Variants in TAFA5 observed in about 807,000 individuals in gnomAD.
TAFA5 encodes the protein TAFA chemokine like family member 5.
Under a neutral mutation model 15.3 loss-of-function variants are expected in TAFA5, and 6 were observed. That is an observed-to-expected ratio of 0.39 (90% CI 0.21 to 0.77). TAFA5 has a LOEUF of 0.77. Among genes scored for constraint, TAFA5 ranks in the 30% least tolerant of loss-of-function variants. TAFA5 has a pLI of 0.41. For missense variants in TAFA5, 161 were observed against 193.1 expected (o/e 0.83, Z 0.98); for synonymous variants, 103 against 80.7 (o/e 1.28, Z -1.48).
chr22:48,509,384 C>T (rs990613002), intron 1 of TAFA5, among the ~76,000 whole-genome samples: 6 of 152,164 alleles, frequency 3.9e-5, no homozygotes, highest in South Asian at 4.1e-4. Context: ...GAGACATCTC[C>T]GTACTGTTGT....
intron 3 of TAFA5, among the ~76,000 whole-genome samples, chr22:48,721,382 T>C (rs1929565643): frequency 6.6e-6 from 1 of 152,176 alleles, no homozygotes. Context: ...GCCTCCGTGC[T>C]GCTGTTTCAA....
At position 48,560,845 on chromosome 22, in the gene TAFA5, G is replaced by A. The variant is rs988284831; in HGVS notation, c.112+71141G>A. On this transcript the variant is annotated intron_variant, in intron 1 of 3. Transcript: ENST00000402357. This position sits in a 1 kb window ranked among gnomAD's most constrained non-coding sequence, Gnocchi z 4.2. ...GACTGGTCTTGAACTCCTGACCTCAGGTGATCCACCCACCTCGGCCTCCCA... is the reference window on the plus strand; with the variant it reads ...GACTGGTCTTGAACTCCTGACCTCAAGTGATCCACCCACCTCGGCCTCCCA... 1.3e-4 allele frequency among the ~76,000 whole-genome samples: 20 copies of A among 151,948 alleles called. No individual in the cohort carries two copies. The highest frequency in any genetic ancestry group is 4.4e-4 in the African/African-American group (18 of 41,370).
At chr22:48,528,330 A>G (rs1921851196) in intron 1 of TAFA5, among the ~76,000 whole-genome samples, 2 of 152,096 alleles carry the variant, frequency 1.3e-5, no homozygotes, top group South Asian at 4.1e-4. Flanking sequence ...ACCTGGGTGC[A>G]TCGTGTCTCC....
At chr22:48,641,773 T>C (rs771791278) in intron 1 of TAFA5, among the ~76,000 whole-genome samples, 9 of 152,234 alleles carry the variant, frequency 5.9e-5, no homozygotes, top group South Asian at 2.1e-4. Context: ...CAAGGTCCCA[T>C]GTCCTCTCAG....
intron 2 of TAFA5, among the ~76,000 whole-genome samples, chr22:48,696,446 G>A (rs1300922428): frequency 6.6e-6 from 1 of 152,036 alleles, no homozygotes; most frequent in Non-Finnish European, 1.5e-5. Flanking sequence ...AACTTTGAGG[G>A]GCCCCTGAGT....
At chr22:48,697,608 G>GTGA (rs58645344) in intron 2 of TAFA5, among the ~76,000 whole-genome samples, 64,632 of 137,230 alleles carry the variant, frequency 0.47, 14,471 homozygotes, top group African/African-American at 0.6. Context: ...GATGGTGGTG[G>GTGA]TGATGATGGT....
chr22:48,646,858 C>T lies in TAFA5; in HGVS notation c.262+112C>T, dbSNP rs1388177306. On this transcript the variant is annotated intron_variant, in intron 2 of 3. Transcript: ENST00000402357. ...AAGGTCCCCCTAGGCCTCAGCGCATCCTCGGGTCAGGCCCCTGGCTGTTGG... is the reference window on the plus strand; with the variant it reads ...AAGGTCCCCCTAGGCCTCAGCGCATTCTCGGGTCAGGCCCCTGGCTGTTGG... The T allele has an allele frequency of 3.8e-6, 5 of 1,330,498 alleles. No homozygotes were observed. The South Asian group carries it at 7.3e-5, about 19-fold the overall frequency. The allele number at this position is 1,330,498 out of a possible 1,614,324, so 82.4% of individuals were successfully genotyped here.
At chr22:48,669,305 C>T (rs1243204727) in intron 2 of TAFA5, among the ~76,000 whole-genome samples, 1 of 152,256 alleles carries the variant, frequency 6.6e-6, no homozygotes, top group Non-Finnish European at 1.5e-5. Context: ...AAGGTGGCTG[C>T]AGGCCCCAGC....
intron 3 of TAFA5, among the ~76,000 whole-genome samples, chr22:48,743,199 GCCT>G (rs1286640735): frequency 1.3e-5 from 2 of 151,926 alleles, no homozygotes; most frequent in East Asian, 3.9e-4. Flanking sequence ...GGTCCTCCCT[GCCT>G]CCTCCTGCCA....
At chr22:48,641,277 A>G (rs6010555) in intron 1 of TAFA5, among the ~76,000 whole-genome samples, 3,886 of 152,232 alleles carry the variant, frequency 0.026, 140 homozygotes, top group African/African-American at 0.082. Flanking sequence ...CTGTGAAATG[A>G]TGCGTGACAA....
At chr22:48,623,707 C>A (rs536047152) in intron 1 of TAFA5, among the ~76,000 whole-genome samples, 2 of 152,242 alleles carry the variant, frequency 1.3e-5, no homozygotes, top group African/African-American at 4.8e-5. Flanking sequence ...CCTGGCACGG[C>A]GGCCCGAGGC....
chr22:48,736,993 G>T (rs1930047927), intron 3 of TAFA5, among the ~76,000 whole-genome samples: 1 of 152,240 alleles, frequency 6.6e-6, no homozygotes, highest in Non-Finnish European at 1.5e-5. Flanking sequence ...GCAGCACACA[G>T]GTACTTAGGC....
intron 1 of TAFA5, among the ~76,000 whole-genome samples, chr22:48,623,679 C>T (rs1482331105): frequency 6.6e-6 from 1 of 152,244 alleles, no homozygotes; most frequent in Non-Finnish European, 1.5e-5. Context: ...CAGCACGCCC[C>T]ATTTAACCGC....
intron 2 of TAFA5, among the ~76,000 whole-genome samples, chr22:48,673,826 C>A (rs1927877950): frequency 6.6e-6 from 1 of 152,172 alleles, no homozygotes; most frequent in African/African-American, 2.4e-5. Flanking sequence ...GCTGACCTGT[C>A]CTGCCAACCC....
intron 1 of TAFA5, among the ~76,000 whole-genome samples, chr22:48,538,016 C>G (rs896837483): frequency 6.6e-6 from 1 of 152,260 alleles, no homozygotes; most frequent in African/African-American, 2.4e-5. Context: ...GCACGGTCAG[C>G]TCCACGCCCC....
intron 2 of TAFA5, among the ~76,000 whole-genome samples, chr22:48,653,051 G>A (rs926246134): frequency 5.3e-5 from 8 of 152,226 alleles, no homozygotes; most frequent in South Asian, 2.1e-4. Context: ...TGCATCACGC[G>A]ACCGTGGTGG....
At chr22:48,700,431 G>T (rs958176994) in intron 2 of TAFA5, among the ~76,000 whole-genome samples, 2 of 152,200 alleles carry the variant, frequency 1.3e-5, no homozygotes, top group African/African-American at 2.4e-5. Context: ...GAGCAGGCCG[G>T]CAGGGGCTGG....
At chr22:48,589,709 C>T (rs1272660298) in intron 1 of TAFA5, among the ~76,000 whole-genome samples, 1 of 149,342 alleles carries the variant, frequency 6.7e-6, no homozygotes, top group African/African-American at 2.5e-5. Context: ...AGAGAGGGGG[C>T]CTCGTGAAGA....
At chr22:48,583,655 C>T (rs1924190012) in intron 1 of TAFA5, among the ~76,000 whole-genome samples, 1 of 144,526 alleles carries the variant, frequency 6.9e-6, no homozygotes, top group South Asian at 2.3e-4. Context: ...ACAAAATACA[C>T]CACACACCAC....
Sources: allele counts gnomAD v4.1 joint callset (sites outside exome capture counted in the v4.1 genomes callset), GRCh38; gene constraint gnomAD v4.1.1; non-coding constraint Gnocchi (gnomAD v3.1); transcripts MANE v1.5; gene names NCBI Gene and HGNC (gene_info 2026-07-23, HGNC 2026-07-21).